The following CLSTN2 variants were observed in gnomAD, a reference collection of about 807,000 sequenced individuals.
CLSTN2 encodes the protein calsyntenin 2, also known as calsyntenin-2.
CLSTN2 carries 48 observed loss-of-function variants against 101.2 expected under a neutral mutation model. That is an observed-to-expected ratio of 0.47 (90% CI 0.38 to 0.60). The LOEUF (loss-of-function observed/expected upper bound fraction) is 0.60, where lower values mean the gene tolerates loss of function less well. Ranked by LOEUF, CLSTN2 falls within the 20% of genes least tolerant of loss-of-function variation. The pLI is 0.00. For missense variants in CLSTN2, 1,160 were observed against 1,238.2 expected, an observed-to-expected ratio of 0.94 and a Z score of 0.95; for synonymous variants, 481 against 463.6, an observed-to-expected ratio of 1.04 and a Z score of -0.48.
chr3:140,243,635 T>C (rs1024118362), intron 2 of CLSTN2, among the ~76,000 whole-genome samples: 3 of 152,180 alleles, frequency 2.0e-5, no homozygotes, highest in Non-Finnish European at 4.4e-5. Flanking sequence ...ATCTCCACTG[T>C]ACTAGGCTGA....
intron 1 of CLSTN2, among the ~76,000 whole-genome samples, chr3:140,084,574 A>G (rs180911225): frequency 2.0e-5 from 3 of 152,308 alleles, no homozygotes; most frequent in South Asian, 4.1e-4. Context: ...CAACTGCAAC[A>G]GAATGTGTTG....
At chr3:139,977,326 A>G (rs1935834852) in intron 1 of CLSTN2, among the ~76,000 whole-genome samples, 1 of 152,146 alleles carries the variant, frequency 6.6e-6, no homozygotes, top group Non-Finnish European at 1.5e-5. Context: ...GAGAGGCCCC[A>G]GAGAAAAGCA....
At chr3:140,459,891 C>G in intron 7 of CLSTN2, 122 bp downstream of exon 7, 2 of 1,117,682 alleles carry the variant, frequency 1.8e-6, no homozygotes, top group South Asian at 2.9e-5. Context: ...CTGAGAGGAA[C>G]CCTGCCAATA....
In CLSTN2 at chr3:140,416,378, A is replaced by AAC. The variant is rs3035956; in HGVS notation, c.638-4731_638-4730dup. Reference sequence around the variant, plus strand: ...CAACTGAGCTCACCACACACACACAAACACACACACACACACAAGAAAGGT... The same window carrying AAC: ...CAACTGAGCTCACCACACACACACAAACACACACACACACACACAAGAAAGGT... On this transcript the variant is annotated intron_variant, in intron 4 of 16. Coordinates refer to ENST00000458420, the MANE Select transcript of CLSTN2 (RefSeq NM_022131.3). 1.5e-3 allele frequency among the ~76,000 whole-genome samples: 230 copies of AAC among 151,260 alleles called. 1 individual carries two copies. The highest frequency in any genetic ancestry group is 0.01 in the Middle Eastern group (3 of 290).
chr3:140,317,172 C>A (rs531344615), intron 2 of CLSTN2, among the ~76,000 whole-genome samples: 55 of 152,246 alleles, frequency 3.6e-4, no homozygotes, highest in African/African-American at 1.3e-3. Context: ...AAAAAACAAT[C>A]TTCATGAATT....
chr3:140,420,616 G>A (rs549181282), intron 4 of CLSTN2, among the ~76,000 whole-genome samples: 12 of 152,160 alleles, frequency 7.9e-5, no homozygotes, highest in African/African-American at 2.7e-4. Flanking sequence ...GAGGTCACAC[G>A]TTTTCTTATT....
intron 8 of CLSTN2, among the ~76,000 whole-genome samples, chr3:140,472,526 A>G (rs1253412378): frequency 6.6e-6 from 1 of 152,192 alleles, no homozygotes; most frequent in Non-Finnish European, 1.5e-5. Context: ...ATAATTGGGC[A>G]TTGTCAGCAC....
chr3:140,169,996 A>T (rs2010188040), intron 1 of CLSTN2, among the ~76,000 whole-genome samples: 3 of 152,256 alleles, frequency 2.0e-5, no homozygotes. Flanking sequence ...AAGCTATAAC[A>T]TAATTGAGCT....
intron 1 of CLSTN2, among the ~76,000 whole-genome samples, chr3:140,070,678 C>T (rs1013495427): frequency 9.9e-5 from 15 of 151,782 alleles, no homozygotes; most frequent in African/African-American, 3.6e-4. Context: ...AACAATAGTC[C>T]CAAAAGGTTT....
At chr3:140,355,551 G>A (rs1281986186) in intron 2 of CLSTN2, among the ~76,000 whole-genome samples, 1 of 152,224 alleles carries the variant, frequency 6.6e-6, no homozygotes, top group Non-Finnish European at 1.5e-5. Flanking sequence ...AGCATTTGCT[G>A]CTAAATTTCA....
At chr3:140,289,837 C>T (rs981027509) in intron 2 of CLSTN2, among the ~76,000 whole-genome samples, 1 of 151,698 alleles carries the variant, frequency 6.6e-6, no homozygotes, top group East Asian at 1.9e-4. Flanking sequence ...AAATATCAGA[C>T]AAGGTTTAAA....
intron 2 of CLSTN2, among the ~76,000 whole-genome samples, chr3:140,268,112 C>T (rs896226576): frequency 2.6e-5 from 4 of 152,100 alleles, no homozygotes; most frequent in African/African-American, 7.2e-5. Context: ...CGGGGTGAAC[C>T]GCTGGCTGCC....
intron 1 of CLSTN2, among the ~76,000 whole-genome samples, chr3:140,109,864 C>T (rs2009123929): frequency 6.6e-6 from 1 of 152,108 alleles, no homozygotes; most frequent in African/African-American, 2.4e-5. Flanking sequence ...ATCCAAGTGA[C>T]TTAGTACAAG....
intron 7 of CLSTN2, among the ~76,000 whole-genome samples, chr3:140,464,903 T>A (rs1933649735): frequency 6.6e-6 from 1 of 152,166 alleles, no homozygotes; most frequent in Non-Finnish European, 1.5e-5. Context: ...CTTCCTGCCA[T>A]CCTTTGGTTA....
At chr3:140,167,534 C>T (rs2010152670) in intron 1 of CLSTN2, among the ~76,000 whole-genome samples, 1 of 152,132 alleles carries the variant, frequency 6.6e-6, no homozygotes, top group South Asian at 2.1e-4. Context: ...GTTCTTGCCC[C>T]ACATGTATTG....
chr3:140,456,925 C>T (rs1933415633), intron 6 of CLSTN2, among the ~76,000 whole-genome samples: 1 of 152,158 alleles, frequency 6.6e-6, no homozygotes, highest in Non-Finnish European at 1.5e-5. Flanking sequence ...ATGTCATCCC[C>T]CATCACCCCA....
chr3:140,492,019 C>A (rs1319188883), intron 8 of CLSTN2, among the ~76,000 whole-genome samples: 2 of 152,096 alleles, frequency 1.3e-5, no homozygotes, highest in Non-Finnish European at 2.9e-5. Flanking sequence ...CCCAAAAAAG[C>A]CCTTTAAGAA....
Position 140,566,273 on chromosome 3 carries a change from T to A in CLSTN2, c.*20T>A, listed in dbSNP as rs4683510. The A allele has an allele frequency of 1.9e-6, 3 of 1,551,310 alleles. No individual in the cohort carries two copies. The highest frequency in any genetic ancestry group is 2.6e-6 in the Non-Finnish European group (3 of 1,147,610). ...TACTAGTGCCCAGGGGTCTGCTGCC[T>A]GGCCCACATGTCCCTTTTGTAAACC... On this transcript the variant is annotated 3_prime_UTR_variant, in exon 17 of 17. Coordinates refer to ENST00000458420, the MANE Select transcript of CLSTN2 (RefSeq NM_022131.3).
At chr3:140,184,593 A>G (rs1433622530) in intron 2 of CLSTN2, among the ~76,000 whole-genome samples, 3 of 152,156 alleles carry the variant, frequency 2.0e-5, no homozygotes, top group African/African-American at 2.4e-5. Flanking sequence ...GAGCCAAACC[A>G]TATCACTGTC....
Sources: allele counts gnomAD v4.1 joint callset (sites outside exome capture counted in the v4.1 genomes callset), GRCh38; gene constraint gnomAD v4.1.1; transcripts MANE v1.5; gene names NCBI Gene and HGNC (gene_info 2026-07-23, HGNC 2026-07-21).